The following KRABD2 variants were observed in gnomAD, a reference collection of about 807,000 sequenced individuals.
KRABD2 encodes KRAB domain containing 2, also known as KRAB domain-containing protein 2.
chr17:8,371,866 G>C, the KRABD2 span: 1 of 1,020,654 alleles, frequency 9.8e-7, no homozygotes, highest in African/African-American at 1.7e-5. Context: ...ACCCCAAATG[G>C]AGTCTACCTG....
At chr17:8,373,662 G>T in the KRABD2 span, 1 of 157,722 alleles carries the variant, frequency 6.3e-6, no homozygotes, top group South Asian at 1.6e-4. Flanking sequence ...GAGCCCCTGT[G>T]CCCGGCCGCC....
At chr17:8,371,977 G>A in the KRABD2 span, 1 of 986,582 alleles carries the variant, frequency 1.0e-6, no homozygotes, top group South Asian at 4.7e-5. Context: ...TGGTGATGAG[G>A]CCAGGGGAGT....
chr17:8,370,259 C>T, the KRABD2 span: 54 of 1,613,306 alleles, frequency 3.3e-5, no homozygotes, highest in African/African-American at 6.1e-4. Context: ...TTTCTACTAA[C>T]TTTGTTACAC....
chr17:8,371,593 G>C, the KRABD2 span: 1 of 1,517,382 alleles, frequency 6.6e-7, no homozygotes, highest in East Asian at 2.3e-5. Context: ...TAAGAAATAG[G>C]TCTCACATCT....
the KRABD2 span, among the ~76,000 whole-genome samples, chr17:8,373,149 C>CCG: frequency 6.7e-6 from 1 of 150,082 alleles, no homozygotes; most frequent in African/African-American, 2.5e-5. Flanking sequence ...CTCTCTCCCT[C>CCG]TCTCCGTCTC....
the KRABD2 span, chr17:8,370,475 C>A: frequency 4.6e-6 from 4 of 862,252 alleles, no homozygotes; most frequent in Non-Finnish European, 7.0e-6. Flanking sequence ...TCAATTCTTT[C>A]ATCTAATTTT....
At chr17:8,368,262 G>A in the KRABD2 span, among the ~76,000 whole-genome samples, 1 of 152,128 alleles carries the variant, frequency 6.6e-6, no homozygotes, top group Non-Finnish European at 1.5e-5. Flanking sequence ...GGTGTCCAGT[G>A]ATGTCTTTAC....
chr17:8,369,161 T>C, the KRABD2 span: 2 of 1,613,922 alleles, frequency 1.2e-6, no homozygotes, highest in Non-Finnish European at 8.5e-7. Context: ...CGGAAGTCCC[T>C]TGTGAGGTGC....
the KRABD2 span, among the ~76,000 whole-genome samples, chr17:8,372,586 C>T: frequency 6.6e-6 from 1 of 152,120 alleles, no homozygotes; most frequent in African/African-American, 2.4e-5. The surrounding 1 kb of genome is among the most constrained non-coding windows in gnomAD (Gnocchi z 4.1). Context: ...GCCAGCACAC[C>T]CAGCCGGTCC....
the KRABD2 span, chr17:8,369,926 G>A: frequency 2.5e-6 from 4 of 1,614,220 alleles, no homozygotes; most frequent in Non-Finnish European, 3.4e-6. Flanking sequence ...TCAGATATAA[G>A]ACAATAACTT....
the KRABD2 span, chr17:8,376,290 CTT>C: frequency 2.4e-6 from 3 of 1,227,596 alleles, no homozygotes; most frequent in African/African-American, 4.7e-5. Flanking sequence ...TTTGCTGACT[CTT>C]ATCATTTACT....
the KRABD2 span, among the ~76,000 whole-genome samples, chr17:8,360,758 A>G: frequency 6.6e-6 from 1 of 152,148 alleles, no homozygotes; most frequent in African/African-American, 2.4e-5. Context: ...AAACTAAAAA[A>G]AACAAACAAA....
the KRABD2 span, among the ~76,000 whole-genome samples, chr17:8,375,527 TTTTC>T: frequency 1.7e-5 from 2 of 116,124 alleles, no homozygotes; most frequent in Admixed American, 1.0e-4. Context: ...TCAATATCTT[TTTTC>T]TTTCATTTTT....
chr17:8,369,305 T>C, the KRABD2 span: 533 of 1,614,282 alleles, frequency 3.3e-4, no homozygotes, highest in African/African-American at 6.3e-3. Flanking sequence ...CTAGCTCTTC[T>C]TCCGTTTGTA....
the KRABD2 span, among the ~76,000 whole-genome samples, chr17:8,364,536 T>C: frequency 2.0e-5 from 3 of 152,100 alleles, no homozygotes; most frequent in Non-Finnish European, 2.9e-5. The surrounding 1 kb of genome is among the most constrained non-coding windows in gnomAD (Gnocchi z 4.4). Context: ...TCTTCAGCAG[T>C]GGGCCACAGA....
the KRABD2 span, among the ~76,000 whole-genome samples, chr17:8,363,826 CATACAT>C: frequency 1.5e-3 from 83 of 54,152 alleles, no homozygotes; most frequent in South Asian, 0.02. Flanking sequence ...ATATATATAT[CATACAT>C]ATATATATAT....
the KRABD2 span, among the ~76,000 whole-genome samples, chr17:8,373,093 T>G: frequency 6.6e-6 from 1 of 152,104 alleles, no homozygotes; most frequent in African/African-American, 2.4e-5. Context: ...AAAAAATTTG[T>G]CTCCCTCTTC....
the KRABD2 span, among the ~76,000 whole-genome samples, chr17:8,361,188 T>C: frequency 6.6e-6 from 1 of 152,174 alleles, no homozygotes; most frequent in Non-Finnish European, 1.5e-5. Context: ...TCTCTAAGTC[T>C]CCTATCTTCT....
the KRABD2 span, among the ~76,000 whole-genome samples, chr17:8,363,138 C>G: frequency 2.0e-5 from 3 of 152,136 alleles, 1 homozygote; most frequent in African/African-American, 7.2e-5. Flanking sequence ...ACTGATGACT[C>G]TGGGTTGGGT....
Sources: gnomAD v4.1 joint callset for allele counts (sites outside exome capture counted in the v4.1 genomes callset) on GRCh38, gnomAD v4.1.1 for gene constraint, Gnocchi (gnomAD v3.1) non-coding constraint, MANE v1.5 for transcripts, NCBI Gene and HGNC (gene_info 2026-07-23, HGNC 2026-07-21) for gene names.